Variants in OXR1 observed in about 807,000 individuals in gnomAD.
The protein encoded by OXR1 is oxidation resistance protein 1.
A neutral mutation model predicts 104.6 loss-of-function variants in OXR1; 41 were observed. The ratio of observed to expected loss-of-function variants is 0.39; its 90% CI spans 0.31 to 0.51. The LOEUF (loss-of-function observed/expected upper bound fraction) is 0.51. Ranked by LOEUF, OXR1 falls within the 20% of genes least tolerant of loss-of-function variation. The pLI, the probability that OXR1 is intolerant of heterozygous loss-of-function variation, is 0.77. For missense variants in OXR1, 955 were observed against 1,031.9 expected (o/e 0.93, Z 1.02); for synonymous variants, 348 against 348.4 (o/e 1.00, Z 0.01).
chr8:106,312,803 C>T (rs1485417614), intron 1 of OXR1, among the ~76,000 whole-genome samples: 2 of 152,124 alleles, frequency 1.3e-5, no homozygotes, highest in African/African-American at 4.8e-5. Context: ...CATCAGCTAA[C>T]TAAGACCCTA....
intron 3 of OXR1, among the ~76,000 whole-genome samples, chr8:106,636,495 A>T (rs1002725351): frequency 2.0e-5 from 3 of 152,208 alleles, no homozygotes; most frequent in African/African-American, 7.2e-5. Context: ...CTCAGCCATC[A>T]TCCCCAGAGA....
intron 15 of OXR1, among the ~76,000 whole-genome samples, chr8:106,743,150 C>A (rs182933355): frequency 1.2e-4 from 19 of 152,184 alleles, no homozygotes; most frequent in Non-Finnish European, 2.4e-4. Flanking sequence ...AGAAGACATA[C>A]ATGTGGCCAA....
At chr8:106,272,773 CATT>C (rs1811871535) in intron 1 of OXR1, 1 of 152,118 alleles carries the variant, frequency 6.6e-6, no homozygotes, top group Admixed American at 6.5e-5. Flanking sequence ...CTTCTGCTGT[CATT>C]ATTGGCTTTT....
chr8:106,271,094 A>AG (rs1015261750), intron 1 of OXR1, among the ~76,000 whole-genome samples: 5 of 151,726 alleles, frequency 3.3e-5, no homozygotes, highest in East Asian at 2.0e-4. Context: ...TTGGGTGAAG[A>AG]GGGGGGGAGC....
intron 1 of OXR1, among the ~76,000 whole-genome samples, chr8:106,323,076 T>A (rs933504844): frequency 6.6e-6 from 1 of 152,174 alleles, no homozygotes; most frequent in Non-Finnish European, 1.5e-5. Context: ...AGAGCCTCAA[T>A]AGCCAAGGCA....
chr8:106,581,229 C>T, intron 3 of OXR1: 1 of 1,287,384 alleles, frequency 7.8e-7, no homozygotes, highest in Non-Finnish European at 1.0e-6. Flanking sequence ...AGGAAATATG[C>T]CCAATATCCA....
intron 1 of OXR1, among the ~76,000 whole-genome samples, chr8:106,323,793 A>G (rs1012796429): frequency 8.5e-5 from 13 of 152,226 alleles, no homozygotes; most frequent in Non-Finnish European, 1.8e-4. Flanking sequence ...AGAAATGCAA[A>G]TCAAAACCAC....
At chr8:106,460,815 C>T (rs1469770015) in intron 2 of OXR1, among the ~76,000 whole-genome samples, 1 of 151,978 alleles carries the variant, frequency 6.6e-6, no homozygotes, top group Non-Finnish European at 1.5e-5. Flanking sequence ...GAGCCAAAAT[C>T]ATAGACTAAT....
intron 3 of OXR1, among the ~76,000 whole-genome samples, chr8:106,614,995 G>A (rs753390524): frequency 3.9e-5 from 6 of 152,198 alleles, no homozygotes; most frequent in Admixed American, 3.3e-4. Flanking sequence ...GCTTCTGTGT[G>A]TATGAGTTTT....
chr8:106,359,143 A>G (rs913984443), intron 1 of OXR1, among the ~76,000 whole-genome samples: 18 of 147,312 alleles, frequency 1.2e-4, no homozygotes, highest in African/African-American at 4.4e-4. Context: ...TCTTTTTATC[A>G]CAGGTATATA....
At chr8:106,747,035 C>T (rs557189664) in intron 16 of OXR1, among the ~76,000 whole-genome samples, 6 of 152,196 alleles carry the variant, frequency 3.9e-5, no homozygotes, top group African/African-American at 1.2e-4. Context: ...TATAAGTTTT[C>T]AGTGTTTAAA....
In OXR1 at chr8:106,485,384, C is replaced by A. The variant is rs559278409; in HGVS notation, c.24-33559C>A. 8.5e-5 allele frequency among the ~76,000 whole-genome samples: 13 copies of A among 152,106 alleles called. 1 individual carries two copies. The highest frequency in any genetic ancestry group is 1.9e-4 in the Non-Finnish European group (13 of 67,970). ...AACAAATGTAACATTCTTATCTCCC[C>A]CTAAATGTTCAGCCTCTTTAGTAGA... On this transcript the variant is annotated intron_variant, in intron 2 of 16. Coordinates refer to ENST00000517566, the MANE Select transcript of OXR1 (RefSeq NM_001198533.2).
intron 2 of OXR1, among the ~76,000 whole-genome samples, chr8:106,413,729 T>A (rs1187688946): frequency 6.6e-6 from 1 of 151,574 alleles, no homozygotes. Context: ...ATCTACTTTT[T>A]TTTTTTTTTT....
intron 2 of OXR1, among the ~76,000 whole-genome samples, chr8:106,432,573 G>A (rs895041850): frequency 6.6e-6 from 1 of 152,124 alleles, no homozygotes; most frequent in Non-Finnish European, 1.5e-5. Context: ...TTGTTCAAAA[G>A]TCACCTCCCA....
At chr8:106,393,522 G>A (rs893721940) in intron 2 of OXR1, among the ~76,000 whole-genome samples, 7 of 151,894 alleles carry the variant, frequency 4.6e-5, no homozygotes, top group Non-Finnish European at 8.8e-5. Flanking sequence ...AGAAACAGTC[G>A]ATAGAAAAAA....
intron 2 of OXR1, among the ~76,000 whole-genome samples, chr8:106,434,237 C>A (rs1038395741): frequency 6.6e-6 from 1 of 152,110 alleles, no homozygotes; most frequent in Non-Finnish European, 1.5e-5. Flanking sequence ...GCAGTAAGAT[C>A]ATTTGAATTA....
At chr8:106,740,985 A>G (rs1834873554) in intron 14 of OXR1, among the ~76,000 whole-genome samples, 1 of 152,154 alleles carries the variant, frequency 6.6e-6, no homozygotes, top group African/African-American at 2.4e-5. Context: ...TAAAATAGCA[A>G]TATTAGAACA....
At chr8:106,663,990 T>G (rs1228153380) in intron 3 of OXR1, among the ~76,000 whole-genome samples, 2 of 152,194 alleles carry the variant, frequency 1.3e-5, no homozygotes, top group Non-Finnish European at 2.9e-5. Context: ...TGGTAGAAGA[T>G]AACCCTAGCT....
chr8:106,394,527 C>T (rs1358443268), intron 2 of OXR1, among the ~76,000 whole-genome samples: 2 of 152,054 alleles, frequency 1.3e-5, no homozygotes, highest in African/African-American at 2.4e-5. Context: ...CTGGAAACCA[C>T]CTGAATGTCC....
Sources: gnomAD v4.1 joint callset for allele counts (sites outside exome capture counted in the v4.1 genomes callset) on GRCh38, gnomAD v4.1.1 for gene constraint, MANE v1.5 for transcripts, NCBI Gene and HGNC (gene_info 2026-07-23, HGNC 2026-07-21) for gene names.